Variants in PTPRD observed in about 807,000 individuals in gnomAD.
PTPRD encodes the protein protein tyrosine phosphatase receptor type D, also known as receptor-type tyrosine-protein phosphatase delta.
A neutral mutation model predicts 214.5 loss-of-function variants in PTPRD; 34 were observed. The observed-to-expected ratio is 0.16, with a 90% CI of 0.12 to 0.21. The LOEUF (loss-of-function observed/expected upper bound fraction) is 0.21. PTPRD is among the 10% of genes least tolerant of loss of function. The pLI, the probability that PTPRD is intolerant of heterozygous loss-of-function variation, is 1.00. For synonymous variants in PTPRD, 1,128 were observed against 845.7 expected (o/e 1.33, Z -5.79); for missense variants, 2,545 against 2,398.7 (o/e 1.06, Z -1.27).
rs142670304 is a variant in PTPRD at position 9,139,104 on chromosome 9, C to G, written c.-143+44200G>C. On this transcript the variant is annotated intron_variant, in intron 10 of 45. Transcript: ENST00000381196. ...TAGCTATGCAGGAGCCCCCCTCCCC[C>G]CCGCCCCCACCTTATCCGTGGGGGA... Among the ~76,000 whole-genome samples, 37 of 151,814 alleles carry G rather than the reference C, an allele frequency of 2.4e-4. 1 individual carries two copies. The East Asian group carries it at 7.2e-3, about 30-fold the overall frequency.
At chr9:9,957,984 C>A (rs2094070175) in intron 4 of PTPRD, among the ~76,000 whole-genome samples, 1 of 152,070 alleles carries the variant, frequency 6.6e-6, no homozygotes, top group South Asian at 2.1e-4. Flanking sequence ...GAAAAGGTAT[C>A]TTTCAGCAAA....
chr9:10,114,489 A>ACT (rs897510543), intron 3 of PTPRD, among the ~76,000 whole-genome samples: 1 of 150,876 alleles, frequency 6.6e-6, no homozygotes, highest in Admixed American at 6.6e-5. Context: ...GCTCGCTCTC[A>ACT]CTCTCTCTCT....
intron 2 of PTPRD, among the ~76,000 whole-genome samples, chr9:10,583,760 G>T (rs918547546): frequency 6.6e-6 from 1 of 152,156 alleles, no homozygotes; most frequent in African/African-American, 2.4e-5. Flanking sequence ...TTACAGGCGT[G>T]AGCCACCGCG....
At chr9:10,152,176 G>A (rs1027136632) in intron 3 of PTPRD, among the ~76,000 whole-genome samples, 2 of 152,138 alleles carry the variant, frequency 1.3e-5, no homozygotes, top group African/African-American at 2.4e-5. Flanking sequence ...GAGACTTACT[G>A]TTGGCATCAT....
chr9:8,855,627 A>C (rs1425168311), intron 11 of PTPRD, among the ~76,000 whole-genome samples: 1 of 152,206 alleles, frequency 6.6e-6, no homozygotes, highest in Non-Finnish European at 1.5e-5. Context: ...ATTTCTATGC[A>C]AAGTACTATT....
chr9:8,712,794 C>T (rs979805458), intron 12 of PTPRD, among the ~76,000 whole-genome samples: 1 of 152,306 alleles, frequency 6.6e-6, no homozygotes, highest in Non-Finnish European at 1.5e-5. Context: ...TCTTGGCTCA[C>T]TGCAACCTCC....
At chr9:10,133,471 A>T (rs968055298) in intron 3 of PTPRD, among the ~76,000 whole-genome samples, 3 of 152,108 alleles carry the variant, frequency 2.0e-5, no homozygotes, top group African/African-American at 7.2e-5. Context: ...ACAAGAATAA[A>T]ATATAAAAGC....
At chr9:10,118,253 T>C (rs1411533322) in intron 3 of PTPRD, among the ~76,000 whole-genome samples, 2 of 151,886 alleles carry the variant, frequency 1.3e-5, no homozygotes, top group Admixed American at 1.3e-4. Context: ...CATTATCTTA[T>C]ATCTATCTAT....
At position 9,275,071 on chromosome 9, in the gene PTPRD, T is replaced by TATATA. The variant is rs1569566648; in HGVS notation, c.-202-91713_-202-91709dup. Among the ~76,000 whole-genome samples, 77 of 73,476 alleles carry TATATA rather than the reference T, an allele frequency of 1.0e-3. 2 individuals carry two copies. Among genetic ancestry groups the TATATA allele is most frequent in the Admixed American group, 1.6e-3 (7 of 4,426 alleles). The allele number at this position is 73,476 out of a possible 152,430, so 48.2% of individuals were successfully genotyped here. A position where few individuals can be genotyped will look rare whatever the true frequency, so the allele number is the denominator to read the frequency against. ...TATATATATGTATATATATATTATA[T>TATATA]ATATATATATAATATATATGTTATA... On this transcript the variant is annotated intron_variant, in intron 9 of 45. Coordinates refer to ENST00000381196, the MANE Select transcript of PTPRD (RefSeq NM_002839.4).
chr9:8,399,775 TATG>T (rs1174253370), intron 36 of PTPRD, among the ~76,000 whole-genome samples: 8 of 152,268 alleles, frequency 5.3e-5, no homozygotes, highest in African/African-American at 1.9e-4. Context: ...GCAGGGCTAT[TATG>T]ATTTCAAAAG....
intron 12 of PTPRD, among the ~76,000 whole-genome samples, chr9:8,718,610 A>G (rs2098461061): frequency 6.6e-6 from 1 of 152,174 alleles, no homozygotes; most frequent in Non-Finnish European, 1.5e-5. Flanking sequence ...TTTCCTTCAT[A>G]TTAAGCCAAG....
At chr9:8,799,215 C>A (rs183452088) in intron 11 of PTPRD, among the ~76,000 whole-genome samples, 2 of 152,286 alleles carry the variant, frequency 1.3e-5, no homozygotes, top group East Asian at 1.9e-4. Context: ...ATAATTATCA[C>A]CAGTAGTCTG....
intron 9 of PTPRD, among the ~76,000 whole-genome samples, chr9:9,239,797 T>C (rs1398806384): frequency 6.6e-6 from 1 of 152,150 alleles, no homozygotes; most frequent in Admixed American, 6.6e-5. Context: ...CCAGGCATTA[T>C]CTTCACAGCT....
chr9:8,954,533 T>TG (rs1555594981), intron 11 of PTPRD, among the ~76,000 whole-genome samples: 2 of 115,474 alleles, frequency 1.7e-5, no homozygotes, highest in South Asian at 4.9e-4. Flanking sequence ...GTGGTAAACA[T>TG]GGAAAAAAAA....
intron 10 of PTPRD, among the ~76,000 whole-genome samples, chr9:9,125,356 T>C (rs2099828117): frequency 6.6e-6 from 1 of 152,212 alleles, no homozygotes; most frequent in Admixed American, 6.5e-5. Flanking sequence ...CAAGACATAC[T>C]GTGAGAATTA....
rs2093055335 is a variant in PTPRD at position 9,948,399 on chromosome 9, C to T, written c.-471-9789G>A. On this transcript the variant is annotated intron_variant, in intron 4 of 45. Transcript: ENST00000381196. ...TCCCAAAATTTGGCCTCACCGTACTCCATTCCCAATATCAAACAACATGCC... is the reference window on the plus strand; with the variant it reads ...TCCCAAAATTTGGCCTCACCGTACTTCATTCCCAATATCAAACAACATGCC... Among the ~76,000 whole-genome samples the T allele has an allele frequency of 2.6e-5, 4 of 152,040 alleles. No individual in the cohort carries two copies. In the East Asian group the frequency reaches 7.7e-4, roughly 29 times the overall value.
chr9:9,784,938 T>C (rs1041196936), intron 5 of PTPRD, among the ~76,000 whole-genome samples: 1 of 149,470 alleles, frequency 6.7e-6, no homozygotes, highest in Admixed American at 6.8e-5. Flanking sequence ...TTGTATATGG[T>C]TTGAGCAGGG....
rs1952160858 is a variant in PTPRD, at chr9:9,294,095, T to A, written c.-203+103354A>T. Among the ~76,000 whole-genome samples the A allele has an allele frequency of 7.9e-5, 12 of 151,682 alleles. No homozygotes were observed. The Admixed American group carries it at 7.9e-4, about 10-fold the overall frequency. Reference sequence around the variant, plus strand: ...TTAAGTGACTAATTGGAGGGCACTGTATACAGTGTGCATTTGCCTTATATA... The same window carrying A: ...TTAAGTGACTAATTGGAGGGCACTGAATACAGTGTGCATTTGCCTTATATA... On this transcript the variant is annotated intron_variant, in intron 9 of 45. Transcript: ENST00000381196.
chr9:8,397,682 G>A (rs2091516485), intron 36 of PTPRD, among the ~76,000 whole-genome samples: 1 of 152,144 alleles, frequency 6.6e-6, no homozygotes, highest in Non-Finnish European at 1.5e-5. Flanking sequence ...TAGAGCACTA[G>A]TGTGGTGGCA....
Sources: gnomAD v4.1 joint callset for allele counts (sites outside exome capture counted in the v4.1 genomes callset) on GRCh38, gnomAD v4.1.1 for gene constraint, MANE v1.5 for transcripts, NCBI Gene and HGNC (gene_info 2026-07-23, HGNC 2026-07-21) for gene names.